The following CDC42BPB variants were observed in gnomAD, a reference collection of about 807,000 sequenced individuals.
CDC42BPB encodes serine/threonine-protein kinase MRCK beta.
A neutral mutation model predicts 214.9 loss-of-function variants in CDC42BPB; 37 were observed. The ratio of observed to expected loss-of-function variants is 0.17; its 90% CI spans 0.13 to 0.23. The LOEUF (loss-of-function observed/expected upper bound fraction) is 0.23. CDC42BPB is among the 10% of genes least tolerant of loss of function. CDC42BPB has a pLI of 1.00. For missense variants in CDC42BPB, 1,694 were observed against 2,227.0 expected (o/e 0.76, Z 4.82); for synonymous variants, 931 against 884.0 (o/e 1.05, Z -0.94).
intron 5 of CDC42BPB, among the ~76,000 whole-genome samples, chr14:102,992,716 A>C (rs1894548297): frequency 6.6e-6 from 1 of 151,560 alleles, no homozygotes; most frequent in South Asian, 2.1e-4. Context: ...AAAAAAATCA[A>C]AAGGAAAACA....
Position 102,980,899 on chromosome 14 carries a change from C to T in CDC42BPB, c.1014G>A (p.Lys338=), listed in dbSNP as rs201641254. The change falls in exon 8 of 37, where the codon AAG becomes AAA. Residue 338 remains lysine (K), a synonymous_variant. Coordinates refer to ENST00000361246, the MANE Select transcript of CDC42BPB (RefSeq NM_006035.4). ...AATTTAGACCTTCAAAAAACGCATG[C>T]TTTTTGAAATCCTCTATTCCATTCT... ...LGQNGIEDFK[K]HAFFEGLNWE... 2.6e-4 allele frequency: 416 copies of T among 1,614,172 alleles called. 1 individual carries two copies. The highest frequency in any genetic ancestry group is 5.9e-6 in the Non-Finnish European group (7 of 1,180,014).
intron 5 of CDC42BPB, among the ~76,000 whole-genome samples, chr14:102,989,666 A>C (rs1030425663): frequency 7.9e-5 from 12 of 152,114 alleles, no homozygotes; most frequent in Non-Finnish European, 1.8e-4. Flanking sequence ...TGAGGTTGGG[A>C]GTTTGAGACC....
intron 21 of CDC42BPB, 22 bp from the exon 22 acceptor site, chr14:102,954,710 G>T: frequency 6.2e-7 from 1 of 1,606,794 alleles, no homozygotes; most frequent in Non-Finnish European, 8.5e-7. Context: ...AAGAAAGAAA[G>T]AGTGGGGTGA....
At chr14:102,939,215 A>C (rs1891778518) in intron 34 of CDC42BPB, among the ~76,000 whole-genome samples, 1 of 152,272 alleles carries the variant, frequency 6.6e-6, no homozygotes, top group African/African-American at 2.4e-5. Context: ...CTGGGATTAC[A>C]GGCATGAGCC....
intron 6 of CDC42BPB, 30 bp from the exon 7 acceptor site, chr14:102,983,786 C>G (rs553785673): frequency 1.3e-6 from 2 of 1,599,414 alleles, no homozygotes; most frequent in Non-Finnish European, 8.5e-7. Context: ...CTGAAGGAAA[C>G]CCTAGGGCAT....
In CDC42BPB at chr14:103,057,027, G is replaced by A; in HGVS notation, c.147C>T (p.Asp49=). 1 of 1,499,914 alleles carries A rather than the reference G, an allele frequency of 6.7e-7. No homozygotes were observed. The highest frequency in any genetic ancestry group is 8.9e-7 in the Non-Finnish European group (1 of 1,128,208). The allele number at this position is 1,499,914 out of a possible 1,614,324, so 92.9% of individuals were successfully genotyped here. The change falls in exon 1 of 37, where the codon GAC becomes GAT. Residue 49 remains aspartate, a synonymous_variant. Transcript: ENST00000361246. Reference sequence around the variant, plus strand: ...ACTCGAGGAACTCGGCCACGTACTTGTCGCGGCGCAGGGCCGAGTGGCTGC... The same window carrying A: ...ACTCGAGGAACTCGGCCACGTACTTATCGCGGCGCAGGGCCGAGTGGCTGC... ...TECSHSALRR[D]KYVAEFLEWA...
At chr14:103,054,869 T>G (rs1025357861) in intron 1 of CDC42BPB, among the ~76,000 whole-genome samples, 1 of 152,254 alleles carries the variant, frequency 6.6e-6, no homozygotes, top group African/African-American at 2.4e-5. Flanking sequence ...AAATATGACC[T>G]CCACACATGC....
At chr14:102,948,854 C>T (rs1381044235) in intron 26 of CDC42BPB, among the ~76,000 whole-genome samples, 1 of 152,038 alleles carries the variant, frequency 6.6e-6, no homozygotes, top group East Asian at 1.9e-4. Context: ...TGGCCCTTCA[C>T]CACCAGGCCA....
intron 36 of CDC42BPB, among the ~76,000 whole-genome samples, chr14:102,935,304 C>A (rs965916044): frequency 2.0e-5 from 3 of 151,312 alleles, no homozygotes; most frequent in Admixed American, 2.0e-4. Flanking sequence ...TTTCTATACA[C>A]CAGAAATGAA....
At chr14:103,022,835 C>A (rs1382344263) in intron 1 of CDC42BPB, among the ~76,000 whole-genome samples, 3 of 152,134 alleles carry the variant, frequency 2.0e-5, no homozygotes, top group Non-Finnish European at 4.4e-5. Flanking sequence ...ATTATTGGTG[C>A]TTGCTGCATC....
In CDC42BPB at chr14:102,938,347, G is replaced by C. The variant is rs1566837953; in HGVS notation, c.4892C>G (p.Pro1631Arg). The change falls in exon 35 of 37, where the codon CCT becomes CGT. Residue 1631 changes from proline (P) to arginine (R), a missense_variant. Coordinates refer to ENST00000361246, the MANE Select transcript of CDC42BPB (RefSeq NM_006035.4). ...GATGTAGGGCTTGTTCCTGGATGGA[G>C]GCTGGCGAGCCAGGTTGGTGGGAGC... ...GPAPTNLARQPPSRNKPYISW... is the reference protein window; with the variant it reads ...GPAPTNLARQRPSRNKPYISW... 6.2e-7 allele frequency: 1 copy of C among 1,600,690 alleles called. No individual in the cohort carries two copies. Among genetic ancestry groups the C allele is most frequent in the Non-Finnish European group, 8.5e-7 (1 of 1,174,376 alleles).
At chr14:103,039,878 G>A (rs1198634752) in intron 1 of CDC42BPB, among the ~76,000 whole-genome samples, 1 of 152,024 alleles carries the variant, frequency 6.6e-6, no homozygotes, top group African/African-American at 2.4e-5. Flanking sequence ...GATTTTTTAT[G>A]TAAAAATTCT....
intron 3 of CDC42BPB, 128 bp downstream of exon 3, chr14:103,008,344 T>C: frequency 1.5e-6 from 1 of 660,270 alleles, no homozygotes; most frequent in South Asian, 1.8e-5. Flanking sequence ...AAGAGAGTGC[T>C]CGCTCTGTCC....
chr14:102,997,245 A>G (rs913024077), intron 5 of CDC42BPB, among the ~76,000 whole-genome samples: 1 of 152,156 alleles, frequency 6.6e-6, no homozygotes, highest in Non-Finnish European at 1.5e-5. Context: ...GAAGACACAG[A>G]CACATGTGAT....
At chr14:103,043,674 G>C (rs555577887) in intron 1 of CDC42BPB, among the ~76,000 whole-genome samples, 1 of 150,728 alleles carries the variant, frequency 6.6e-6, no homozygotes, top group Non-Finnish European at 1.5e-5. Context: ...CGATAAAGCT[G>C]TTACAAAAAA....
At chr14:103,048,799 G>A (rs1263198864) in intron 1 of CDC42BPB, among the ~76,000 whole-genome samples, 5 of 149,664 alleles carry the variant, frequency 3.3e-5, no homozygotes, top group Admixed American at 6.7e-5. Flanking sequence ...ACTTGAACCC[G>A]GGAGGCGGAG....
intron 1 of CDC42BPB, among the ~76,000 whole-genome samples, chr14:103,056,270 A>T (rs1359717212): frequency 2.7e-5 from 4 of 145,880 alleles, no homozygotes; most frequent in Admixed American, 6.8e-5. Flanking sequence ...AATTGGAATT[A>T]AAAAAAAAAA....
chr14:102,996,892 GA>G (rs1894763880), intron 5 of CDC42BPB, among the ~76,000 whole-genome samples: 1 of 150,956 alleles, frequency 6.6e-6, no homozygotes, highest in Non-Finnish European at 1.5e-5. Context: ...TAAAAAGAAA[GA>G]AAGAGAAAGC....
At position 103,049,395 on chromosome 14, in the gene CDC42BPB, C is replaced by G. The variant is rs1025076736; in HGVS notation, c.175+7604G>C. ...TTGGAGCAAGGCTGTCCAACTAGCA[C>G]TGACTGCTGACACGTCAACTTCACG... On this transcript the variant is annotated intron_variant, in intron 1 of 36. Transcript: ENST00000361246. Among the ~76,000 whole-genome samples, 4 of 152,238 alleles carry G rather than the reference C, an allele frequency of 2.6e-5. No homozygotes were observed. The South Asian group carries it at 8.3e-4, about 31-fold the overall frequency.
Sources: gnomAD v4.1 joint callset for allele counts (sites outside exome capture counted in the v4.1 genomes callset) on GRCh38, gnomAD v4.1.1 for gene constraint, MANE v1.5 for transcripts, NCBI Gene and HGNC (gene_info 2026-07-23, HGNC 2026-07-21) for gene names.